Variants in FMNL2 observed in about 807,000 individuals in gnomAD.
FMNL2 encodes formin like 2, also known as formin-like protein 2.
In FMNL2, 51 loss-of-function variants were observed where a neutral mutation model predicts 130.2. The observed-to-expected ratio is 0.39, with a 90% CI of 0.31 to 0.49. FMNL2 has a LOEUF of 0.49. Among genes scored for constraint, FMNL2 ranks in the 20% least tolerant of loss-of-function variants. FMNL2 has a pLI of 0.85. For missense variants in FMNL2, 977 were observed against 1,316.2 expected (o/e 0.74, Z 3.99); for synonymous variants, 465 against 467.1 (o/e 1.00, Z 0.06).
intron 1 of FMNL2, among the ~76,000 whole-genome samples, chr2:152,481,239 T>G (rs1236486184): frequency 6.6e-6 from 1 of 152,242 alleles, no homozygotes; most frequent in Non-Finnish European, 1.5e-5. Flanking sequence ...ACGCCTCCAT[T>G]TATCTACTGC....
rs1243631482 is a variant in FMNL2 at position 152,649,277 on chromosome 2, T to C, written c.*1372T>C. 6.6e-6 allele frequency: 1 copy of C among 152,622 alleles called. No individual in the cohort carries two copies. The highest frequency in any genetic ancestry group is 1.5e-5 in the Non-Finnish European group (1 of 68,040). The allele number at this position is 152,622 out of a possible 1,614,324, so 9.5% of individuals were successfully genotyped here. On this transcript the variant is annotated 3_prime_UTR_variant, in exon 26 of 26. Coordinates refer to ENST00000288670, the MANE Select transcript of FMNL2 (RefSeq NM_052905.4). The stretch of plus-strand genomic sequence containing the variant: ...GTGCAGTTTTTTATGGTTTTTACAC[T>C]TCTCTTTAATTCCCACCTAAGCCTC...
rs1197933796 is a variant in FMNL2 at position 152,560,869 on chromosome 2, C to G, written c.444-14C>G. On this transcript the variant is annotated splice_polypyrimidine_tract_variant and intron_variant, in intron 5 of 25. Transcript: ENST00000288670. ...AATTTTTCAGTCTTCAATGGCATTT[C>G]TCTTTTGTTTTAGTTTTGACTTTGA... 2 of 1,600,530 alleles carry G rather than the reference C, an allele frequency of 1.2e-6. No individual in the cohort carries two copies. The highest frequency in any genetic ancestry group is 1.7e-5 in the Admixed American group (1 of 58,904).
chr2:152,568,223 T>TTTTTTTTGTGTTTTGTTTTTG (rs1553478436), intron 6 of FMNL2, among the ~76,000 whole-genome samples: 1 of 132,276 alleles, frequency 7.6e-6, no homozygotes, highest in African/African-American at 2.9e-5. Flanking sequence ...GGTGGGTTTT[T>TTTTTTTTGTGTTTTGTTTTTG]TTTTTTTTTT....
intron 1 of FMNL2, among the ~76,000 whole-genome samples, chr2:152,420,961 C>T (rs369832712): frequency 3.3e-5 from 5 of 152,250 alleles, no homozygotes; most frequent in African/African-American, 1.2e-4. Context: ...AGATGTCTGG[C>T]GTTGGTTGCT....
chr2:152,610,767 G>A (rs1580091688), intron 10 of FMNL2, among the ~76,000 whole-genome samples: 1 of 152,194 alleles, frequency 6.6e-6, no homozygotes, highest in East Asian at 1.9e-4. Context: ...AGATTTTTAT[G>A]TGGACGTATA....
chr2:152,540,720 T>G (rs945738244), intron 2 of FMNL2, among the ~76,000 whole-genome samples: 1 of 148,228 alleles, frequency 6.7e-6, no homozygotes, highest in East Asian at 2.1e-4. Flanking sequence ...AGGGATAGCA[T>G]TGGGAGATAT....
At chr2:152,480,720 A>G (rs889979615) in intron 1 of FMNL2, among the ~76,000 whole-genome samples, 3 of 151,758 alleles carry the variant, frequency 2.0e-5, no homozygotes, top group Non-Finnish European at 4.4e-5. Flanking sequence ...GATAATGCCC[A>G]TCTACCAAGG....
chr2:152,581,244 C>G (rs1696761626), intron 9 of FMNL2, among the ~76,000 whole-genome samples, 195 bp downstream of exon 9: 1 of 152,080 alleles, frequency 6.6e-6, no homozygotes, highest in South Asian at 2.1e-4. Flanking sequence ...TAAAAATAAT[C>G]ACAGTACTCT....
At chr2:152,645,265 A>G (rs1310026637) in intron 25 of FMNL2, among the ~76,000 whole-genome samples, 1 of 151,998 alleles carries the variant, frequency 6.6e-6, no homozygotes, top group Non-Finnish European at 1.5e-5. Context: ...GGGAAGATGC[A>G]CTCATCCTTC....
At chr2:152,499,451 A>T (rs2105316886) in intron 1 of FMNL2, among the ~76,000 whole-genome samples, 1 of 152,312 alleles carries the variant, frequency 6.6e-6, no homozygotes, top group South Asian at 2.1e-4. Flanking sequence ...TGGGGATTTC[A>T]TATAACATAG....
chr2:152,569,102 C>A (rs539456675), intron 6 of FMNL2, among the ~76,000 whole-genome samples: 3 of 109,818 alleles, frequency 2.7e-5, no homozygotes, highest in Admixed American at 9.4e-5. Context: ...CTTCCCCCCC[C>A]GCCCCAATCT....
chr2:152,410,015 A>G (rs1421381950), intron 1 of FMNL2, among the ~76,000 whole-genome samples: 1 of 152,192 alleles, frequency 6.6e-6, no homozygotes, highest in East Asian at 1.9e-4. Flanking sequence ...TTTAAGTGAC[A>G]GTTTTGGAAA....
At chr2:152,589,940 C>CAT (rs771625998) in intron 9 of FMNL2, among the ~76,000 whole-genome samples, 224 of 66,790 alleles carry the variant, frequency 3.4e-3, no homozygotes, top group East Asian at 4.4e-3. Flanking sequence ...TGGCTTTATA[C>CAT]ATATATATAT....
intron 1 of FMNL2, among the ~76,000 whole-genome samples, chr2:152,428,786 G>C (rs1687322226): frequency 6.6e-6 from 1 of 152,150 alleles, no homozygotes; most frequent in South Asian, 2.1e-4. Context: ...AGTGACTTTG[G>C]ATAGAGATAG....
At chr2:152,573,605 G>A (rs1345109036) in intron 6 of FMNL2, among the ~76,000 whole-genome samples, 1 of 152,148 alleles carries the variant, frequency 6.6e-6, no homozygotes, top group African/African-American at 2.4e-5. Context: ...TGATTTTGTT[G>A]TTGCTGTTAT....
chr2:152,646,948 C>CCACTT (rs1683639597), intron 25 of FMNL2, among the ~76,000 whole-genome samples: 3 of 152,304 alleles, frequency 2.0e-5, no homozygotes, highest in South Asian at 4.1e-4. Context: ...TCTGCTCCTC[C>CCACTT]CACTTCATCC....
chr2:152,647,751 C>CT (rs754860011), intron 25 of FMNL2, 45 bp from the exon 26 acceptor site: 4 of 1,576,008 alleles, frequency 2.5e-6, no homozygotes, highest in Non-Finnish European at 3.5e-6. Flanking sequence ...TAGACACATG[C>CT]TATTAAAGGT....
chr2:152,573,122 C>G (rs779203416), intron 6 of FMNL2, among the ~76,000 whole-genome samples: 3 of 152,274 alleles, frequency 2.0e-5, no homozygotes, highest in Middle Eastern at 3.4e-3. Context: ...CCTCACTTTC[C>G]TAATAAGTGT....
At chr2:152,478,096 A>G (rs1690255499) in intron 1 of FMNL2, among the ~76,000 whole-genome samples, 1 of 151,908 alleles carries the variant, frequency 6.6e-6, no homozygotes, top group African/African-American at 2.4e-5. Context: ...CACAGTATAT[A>G]AAATAGTTAA....
Sources: gnomAD v4.1 joint callset for allele counts (sites outside exome capture counted in the v4.1 genomes callset) on GRCh38, gnomAD v4.1.1 for gene constraint, MANE v1.5 for transcripts, NCBI Gene and HGNC (gene_info 2026-07-23, HGNC 2026-07-21) for gene names.